Variants in PDE7B observed in about 807,000 individuals in gnomAD.
The protein encoded by PDE7B is 3',5'-cyclic-AMP phosphodiesterase 7B.
PDE7B carries 29 observed loss-of-function variants against 56.2 expected under a neutral mutation model. That is an observed-to-expected ratio of 0.52 (90% CI 0.38 to 0.70). The LOEUF is 0.70. PDE7B is among the 30% of genes least tolerant of loss of function. PDE7B has a pLI of 0.00. For missense variants in PDE7B, 490 were observed against 565.0 expected (o/e 0.87, Z 1.35); for synonymous variants, 197 against 196.9 (o/e 1.00, Z 0.00).
At chr6:136,176,545 T>A (rs557440552) in intron 9 of PDE7B, among the ~76,000 whole-genome samples, 1 of 151,438 alleles carries the variant, frequency 6.6e-6, no homozygotes, top group Non-Finnish European at 1.5e-5. Flanking sequence ...TTTTTGTGAT[T>A]TTTTTCCCCC....
At chr6:136,162,746 C>A (rs1778727524) in intron 8 of PDE7B, among the ~76,000 whole-genome samples, 1 of 152,192 alleles carries the variant, frequency 6.6e-6, no homozygotes, top group African/African-American at 2.4e-5. Context: ...AATGGGGTCA[C>A]AGGCATTGGG....
At chr6:136,046,220 TAAG>T (rs1776504143) in intron 2 of PDE7B, 2 of 109,332 alleles carry the variant, frequency 1.8e-5, no homozygotes, top group South Asian at 4.8e-4. Flanking sequence ...CATTCAAATA[TAAG>T]AAGTGTAATA....
intron 2 of PDE7B, among the ~76,000 whole-genome samples, chr6:136,106,823 A>G (rs1057391000): frequency 6.6e-6 from 1 of 152,178 alleles, no homozygotes; most frequent in South Asian, 2.1e-4. Context: ...GCTTTCCTTT[A>G]TTGACCAGCC....
intron 1 of PDE7B, among the ~76,000 whole-genome samples, chr6:135,894,749 A>G (rs1775868278): frequency 6.6e-6 from 1 of 152,162 alleles, no homozygotes; most frequent in African/African-American, 2.4e-5. Flanking sequence ...TGAACATGTT[A>G]TTTAAATTGA....
intron 2 of PDE7B, among the ~76,000 whole-genome samples, chr6:136,007,246 C>T (rs535951723): frequency 1.3e-5 from 2 of 152,118 alleles, no homozygotes; most frequent in Admixed American, 1.3e-4. Flanking sequence ...ACTTTGCATC[C>T]TGGAGATGAA....
At chr6:136,020,946 G>C (rs1278951265) in intron 2 of PDE7B, among the ~76,000 whole-genome samples, 1 of 152,098 alleles carries the variant, frequency 6.6e-6, no homozygotes, top group Non-Finnish European at 1.5e-5. Context: ...ATTATGGCCT[G>C]CCTCTCCCTC....
chr6:136,130,196 C>T (rs1778093509), intron 3 of PDE7B, among the ~76,000 whole-genome samples: 1 of 152,154 alleles, frequency 6.6e-6, no homozygotes, highest in South Asian at 2.1e-4. Flanking sequence ...TCTCATAGAG[C>T]GCAACTCTCA....
At chr6:136,089,948 A>C (rs1777358509) in intron 2 of PDE7B, among the ~76,000 whole-genome samples, 2 of 152,092 alleles carry the variant, frequency 1.3e-5, no homozygotes, top group South Asian at 4.2e-4. Flanking sequence ...CAGGAATGTA[A>C]TCTTTCCTAT....
At chr6:136,181,186 A>G in intron 10 of PDE7B, 41 bp from the exon 11 acceptor site, 1 of 1,458,038 alleles carries the variant, frequency 6.9e-7, no homozygotes, top group Non-Finnish European at 9.6e-7. Context: ...CAACTGAAAG[A>G]ACATCCTCTC....
At position 135,872,619 on chromosome 6, in the gene PDE7B, T is replaced by C. The variant is rs1286863410; in HGVS notation, c.21+20600T>C. Reference sequence around the variant, plus strand: ...AGACCACACAGAAGAAAACCCAACATTGTGGACCCTCCCTACCTAACAAAG... The same window carrying C: ...AGACCACACAGAAGAAAACCCAACACTGTGGACCCTCCCTACCTAACAAAG... On this transcript the variant is annotated intron_variant, in intron 1 of 12. Coordinates refer to ENST00000308191, the MANE Select transcript of PDE7B (RefSeq NM_018945.4). 2.0e-5 allele frequency among the ~76,000 whole-genome samples: 3 copies of C among 152,130 alleles called. No individual in the cohort carries two copies. In the East Asian group the frequency reaches 5.8e-4, roughly 29 times the overall value.
At position 136,167,841 on chromosome 6, in the gene PDE7B, G is replaced by A. The variant is rs141708207; in HGVS notation, c.712-5956G>A. ...GAGTGGATACAAAAGGAACAAGGTC[G>A]GCTGCCTACTCATACCTAGCTTATA... On this transcript the variant is annotated intron_variant, in intron 8 of 12. Transcript: ENST00000308191. Among the ~76,000 whole-genome samples the A allele has an allele frequency of 9.9e-5, 15 of 152,260 alleles. No individual in the cohort carries two copies. The East Asian group carries it at 1.9e-3, about 20-fold the overall frequency.
intron 1 of PDE7B, among the ~76,000 whole-genome samples, chr6:135,944,725 C>T (rs943380158): frequency 2.0e-5 from 3 of 152,284 alleles, no homozygotes; most frequent in African/African-American, 7.2e-5. Flanking sequence ...AGAAAGAGAG[C>T]AAGACCCCAG....
At chr6:135,926,488 T>G (rs1033521823) in intron 1 of PDE7B, among the ~76,000 whole-genome samples, 1 of 149,820 alleles carries the variant, frequency 6.7e-6, no homozygotes, top group African/African-American at 2.5e-5. Flanking sequence ...GAACTGCGGG[T>G]GGGGGGGGCT....
chr6:135,994,062 G>A (rs1202732079), intron 2 of PDE7B, among the ~76,000 whole-genome samples: 1 of 151,120 alleles, frequency 6.6e-6, no homozygotes, highest in Non-Finnish European at 1.5e-5. Context: ...TCCTGCAGAA[G>A]TAAACTCATA....
chr6:136,133,737 T>A (rs1249228436), intron 3 of PDE7B, among the ~76,000 whole-genome samples: 2 of 152,264 alleles, frequency 1.3e-5, no homozygotes, highest in East Asian at 3.9e-4. Flanking sequence ...ACATAGCAAG[T>A]GAGCTAAGTT....
At chr6:135,974,170 T>C (rs1775143935) in intron 2 of PDE7B, among the ~76,000 whole-genome samples, 1 of 152,170 alleles carries the variant, frequency 6.6e-6, no homozygotes. Flanking sequence ...TAACATAGAC[T>C]GGACACTGTT....
At chr6:135,865,704 G>C (rs1338000223) in intron 1 of PDE7B, among the ~76,000 whole-genome samples, 2 of 151,758 alleles carry the variant, frequency 1.3e-5, no homozygotes, top group Admixed American at 1.3e-4. Flanking sequence ...TTGAGGCCTA[G>C]TGTGATGTTA....
chr6:135,938,605 G>A (rs1166724783), intron 1 of PDE7B, among the ~76,000 whole-genome samples: 2 of 152,128 alleles, frequency 1.3e-5, no homozygotes, highest in South Asian at 2.1e-4. Context: ...TAGTCGTTTT[G>A]CACAATGAAA....
intron 1 of PDE7B, among the ~76,000 whole-genome samples, chr6:135,895,165 A>C (rs547520039): frequency 6.6e-6 from 1 of 152,102 alleles, no homozygotes; most frequent in African/African-American, 2.4e-5. Flanking sequence ...CTTTTTTGAG[A>C]TGTACATTGC....
Sources: gnomAD v4.1 joint callset for allele counts (sites outside exome capture counted in the v4.1 genomes callset) on GRCh38, gnomAD v4.1.1 for gene constraint, MANE v1.5 for transcripts, NCBI Gene and HGNC (gene_info 2026-07-23, HGNC 2026-07-21) for gene names.